Variants in ERI3 observed in about 807,000 individuals in gnomAD.
ERI3 encodes ERI1 exoribonuclease 3.
A neutral mutation model predicts 44.4 loss-of-function variants in ERI3; 18 were observed. That is an observed-to-expected ratio of 0.41 (90% CI 0.28 to 0.60). The LOEUF (loss-of-function observed/expected upper bound fraction) is 0.60. Among genes scored for constraint, ERI3 ranks in the 20% least tolerant of loss-of-function variants. ERI3 has a pLI of 0.36. For synonymous variants in ERI3, 183 were observed against 164.8 expected (o/e 1.11, Z -0.84); for missense variants, 294 against 435.5 (o/e 0.68, Z 2.89).
At chr1:44,274,262 T>C (rs1024596942) in intron 7 of ERI3, among the ~76,000 whole-genome samples, 2 of 152,192 alleles carry the variant, frequency 1.3e-5, no homozygotes, top group African/African-American at 4.8e-5. Context: ...GGAATTAAAT[T>C]TCAGTCCTGC....
At position 44,339,340 on chromosome 1, in the gene ERI3, TAA is replaced by T. The variant is rs372090718; in HGVS notation, c.212-20_212-19del. On this transcript the variant is annotated intron_variant, in intron 2 of 8. Transcript: ENST00000372257. ...ATCTAAAACTTAGGGGAGGAAAGTT[TAA>T]AAAAAAAAAAAAAAAAGAAAAGAAA... The T allele has an allele frequency of 0.018, 17,256 of 936,084 alleles. No homozygotes were observed. The highest frequency in any genetic ancestry group is 0.024 in the East Asian group (653 of 27,616). The allele number at this position is 936,084 out of a possible 1,614,324, so 58.0% of individuals were successfully genotyped here. A position where few individuals can be genotyped will look rare whatever the true frequency, so the allele number is the denominator to read the frequency against.
At chr1:44,295,832 G>A (rs1411292337) in intron 6 of ERI3, among the ~76,000 whole-genome samples, 2 of 152,194 alleles carry the variant, frequency 1.3e-5, no homozygotes, top group African/African-American at 4.8e-5. Context: ...AACCCTGTGT[G>A]TGGGACCATG....
intron 2 of ERI3, 129 bp downstream of exon 2, chr1:44,352,721 G>T (rs1646920505): frequency 1.1e-6 from 1 of 937,340 alleles, no homozygotes; most frequent in Non-Finnish European, 1.6e-6. Context: ...AAAAAAATAT[G>T]ATTCGTTTAG....
chr1:44,241,534 C>T lies in ERI3; in HGVS notation c.931+6405G>A, dbSNP rs114809114. On this transcript the variant is annotated intron_variant, in intron 8 of 8. Transcript: ENST00000372257. This position sits in a 1 kb window ranked among gnomAD's most constrained non-coding sequence, Gnocchi z 5.6. ...CTCCTCTGAGTAGGAGCAGCCAGCA[C>T]GCGGGTCCTGCCAGATGGATGCAAT... Among the ~76,000 whole-genome samples the T allele has an allele frequency of 0.014, 2,111 of 152,140 alleles. 48 individuals carry two copies. Among genetic ancestry groups the T allele is most frequent in the African/African-American group, 0.048 (1,987 of 41,478 alleles).
At chr1:44,234,282 C>T (rs572344755) in intron 8 of ERI3, among the ~76,000 whole-genome samples, 1 of 152,350 alleles carries the variant, frequency 6.6e-6, no homozygotes, top group East Asian at 1.9e-4. Context: ...AGGCCACCAT[C>T]ATCTCCCATC....
chr1:44,242,333 C>T (rs1042042383), intron 8 of ERI3, among the ~76,000 whole-genome samples: 1 of 152,238 alleles, frequency 6.6e-6, no homozygotes, highest in African/African-American at 2.4e-5. Context: ...CACATCAATG[C>T]ATCACCACTC....
rs200547095 is a variant in ERI3 at position 44,339,179 on chromosome 1, A to G, written c.355T>C (p.Ser119Pro). Residue 119 changes from serine (S) to proline (P), a missense_variant, in exon 3 of 9, where the codon TCC becomes CCC. Coordinates refer to ENST00000372257, the MANE Select transcript of ERI3 (RefSeq NM_024066.3). Reference sequence around the variant, plus strand: ...CCGTGGGCCGCCAGCTTTCTGGTGGATATGGAGCAGAACTCCGGAACACCA... The same window carrying G: ...CCGTGGGCCGCCAGCTTTCTGGTGGGTATGGAGCAGAACTCCGGAACACCA... ...PCGVPEFCSISTRKLAAHGFG... is the reference protein window; with the variant it reads ...PCGVPEFCSIPTRKLAAHGFG... The G allele has an allele frequency of 9.3e-6, 15 of 1,614,052 alleles. No individual in the cohort carries two copies. Among genetic ancestry groups the G allele is most frequent in the Non-Finnish European group, 1.2e-5 (14 of 1,179,990 alleles).
intron 2 of ERI3, among the ~76,000 whole-genome samples, chr1:44,341,197 C>T (rs1401194310): frequency 6.6e-6 from 1 of 152,224 alleles, no homozygotes; most frequent in Non-Finnish European, 1.5e-5. Flanking sequence ...TTACCACTTA[C>T]TACCCATGGC....
intron 8 of ERI3, among the ~76,000 whole-genome samples, chr1:44,232,304 C>T (rs1219661206): frequency 6.6e-6 from 1 of 152,082 alleles, no homozygotes. Context: ...AAGTTGGTAA[C>T]CGTTTTTTTC....
chr1:44,307,537 C>T (rs983193304), intron 6 of ERI3, among the ~76,000 whole-genome samples: 1 of 152,210 alleles, frequency 6.6e-6, no homozygotes, highest in Non-Finnish European at 1.5e-5. Flanking sequence ...CACCTCCATC[C>T]CACTTCGGTT....
intron 3 of ERI3, among the ~76,000 whole-genome samples, chr1:44,325,995 A>G (rs1345388100): frequency 6.6e-6 from 1 of 152,176 alleles, no homozygotes. Context: ...TCCTAAGCAT[A>G]GATTCTCCTC....
At chr1:44,300,063 T>C (rs1310340301) in intron 6 of ERI3, among the ~76,000 whole-genome samples, 1 of 152,086 alleles carries the variant, frequency 6.6e-6, no homozygotes, top group African/African-American at 2.4e-5. Flanking sequence ...AAGACTCTCA[T>C]CCATGGTCAA....
At chr1:44,349,210 TG>T (rs1165807311) in intron 2 of ERI3, among the ~76,000 whole-genome samples, 1 of 152,210 alleles carries the variant, frequency 6.6e-6, no homozygotes, top group East Asian at 1.9e-4. Context: ...TGGAGTGCAG[TG>T]GCTCGATCTC....
chr1:44,285,184 C>T (rs763152436), intron 6 of ERI3, among the ~76,000 whole-genome samples: 16 of 152,134 alleles, frequency 1.1e-4, no homozygotes, highest in Non-Finnish European at 4.4e-5. Context: ...TACAGTATGC[C>T]AAGTACCTTA....
chr1:44,256,721 TGGGGG>T (rs1644788704), intron 7 of ERI3: 1 of 152,264 alleles, frequency 6.6e-6, no homozygotes, highest in Non-Finnish European at 1.5e-5. Context: ...CATTTGGTAC[TGGGGG>T]TCCCAGGAGT....
At chr1:44,265,252 A>AT (rs2154320685) in intron 7 of ERI3, among the ~76,000 whole-genome samples, 1 of 152,346 alleles carries the variant, frequency 6.6e-6, no homozygotes, top group African/African-American at 2.4e-5. Flanking sequence ...TTGGTGAAGG[A>AT]CTTAACTAGA....
At chr1:44,313,371 G>T in intron 4 of ERI3, 143 bp from the exon 5 acceptor site, 1 of 689,550 alleles carries the variant, frequency 1.5e-6, no homozygotes, top group Non-Finnish European at 2.5e-6. Context: ...AGCCCACCTA[G>T]AAGACTTGGG....
At chr1:44,275,294 C>A in intron 7 of ERI3, among the ~76,000 whole-genome samples, 1 of 152,138 alleles carries the variant, frequency 6.6e-6, no homozygotes, top group East Asian at 1.9e-4. Flanking sequence ...AAAAAGTGAA[C>A]TGGCTAGCAG....
chr1:44,331,677 C>T (rs1351657523), intron 3 of ERI3, among the ~76,000 whole-genome samples: 1 of 152,196 alleles, frequency 6.6e-6, no homozygotes, highest in Non-Finnish European at 1.5e-5. Context: ...AGTCTTTATT[C>T]TCCTTTTACC....
Sources: gnomAD v4.1 joint callset for allele counts (sites outside exome capture counted in the v4.1 genomes callset) on GRCh38, gnomAD v4.1.1 for gene constraint, Gnocchi (gnomAD v3.1) non-coding constraint, MANE v1.5 for transcripts, NCBI Gene and HGNC (gene_info 2026-07-23, HGNC 2026-07-21) for gene names.